The following PITPNC1 variants were observed in gnomAD, a reference collection of about 807,000 sequenced individuals.
The protein encoded by PITPNC1 is phosphatidylinositol transfer protein cytoplasmic 1.
Under a neutral mutation model 44.7 loss-of-function variants are expected in PITPNC1, and 18 were observed. The observed-to-expected ratio is 0.40, with a 90% CI of 0.28 to 0.60. The LOEUF (loss-of-function observed/expected upper bound fraction) is 0.60, where lower values mean the gene tolerates loss of function less well. Among genes scored for constraint, PITPNC1 ranks in the 20% least tolerant of loss-of-function variants. The pLI, the probability that PITPNC1 is intolerant of heterozygous loss-of-function variation, is 0.39. For missense variants in PITPNC1, 290 were observed against 418.4 expected (o/e 0.69, Z 2.68); for synonymous variants, 141 against 149.6 (o/e 0.94, Z 0.42).
chr17:67,626,351 G>T (rs968713024), intron 5 of PITPNC1, among the ~76,000 whole-genome samples: 1 of 152,010 alleles, frequency 6.6e-6, no homozygotes, highest in Admixed American at 6.6e-5. Flanking sequence ...ATTAGCCCAA[G>T]GTTACACAGA....
intron 1 of PITPNC1, among the ~76,000 whole-genome samples, chr17:67,489,136 G>A (rs1297586379): frequency 6.6e-6 from 1 of 152,128 alleles, no homozygotes; most frequent in Non-Finnish European, 1.5e-5. Context: ...TGGGTCATAC[G>A]GTAACAGACT....
intron 4 of PITPNC1, among the ~76,000 whole-genome samples, chr17:67,556,760 C>A (rs926543770): frequency 6.6e-6 from 1 of 151,754 alleles, no homozygotes; most frequent in African/African-American, 2.4e-5. Flanking sequence ...ACTCCAAGAG[C>A]CTTCCTGCCT....
chr17:67,661,900 C>T (rs745319306), intron 6 of PITPNC1, among the ~76,000 whole-genome samples: 59 of 151,940 alleles, frequency 3.9e-4, no homozygotes, highest in African/African-American at 1.3e-3. Flanking sequence ...GAGGCTGAGG[C>T]GGAAGAATCG....
At chr17:67,655,582 A>AG (rs2042256307) in intron 6 of PITPNC1, among the ~76,000 whole-genome samples, 1 of 147,348 alleles carries the variant, frequency 6.8e-6, no homozygotes, top group African/African-American at 2.5e-5. Flanking sequence ...AAAAAAAAAA[A>AG]GCACTAATTG....
At chr17:67,529,176 GGCTGTTGGTGAATCA>G (rs2040429202) in intron 1 of PITPNC1, among the ~76,000 whole-genome samples, 1 of 152,162 alleles carries the variant, frequency 6.6e-6, no homozygotes, top group African/African-American at 2.4e-5. Flanking sequence ...GCCCTCCACC[GGCTGTTGGTGAATCA>G]GCTGCCTCGG....
Position 67,508,431 on chromosome 17 carries a change from C to T in PITPNC1, c.49-24371C>T, listed in dbSNP as rs181501312. On this transcript the variant is annotated intron_variant, in intron 1 of 8. Transcript: ENST00000581322. This position sits in a 1 kb window ranked among gnomAD's most constrained non-coding sequence, Gnocchi z 4.2. ...TGTTGCCATGGCATTTGTAAACTGT[C>T]GTGGCTCTGGTGGGAGTGTAGCAGT... 7.2e-5 allele frequency among the ~76,000 whole-genome samples: 11 copies of T among 152,296 alleles called. No individual in the cohort carries two copies. The highest frequency in any genetic ancestry group is 3.3e-4 in the Admixed American group (5 of 15,296).
chr17:67,498,448 A>G (rs1303471753), intron 1 of PITPNC1, among the ~76,000 whole-genome samples: 2 of 152,186 alleles, frequency 1.3e-5, no homozygotes, highest in African/African-American at 4.8e-5. Context: ...TCACCTATTC[A>G]TGAACATTTA....
At chr17:67,527,838 T>TA (rs1232547652) in intron 1 of PITPNC1, among the ~76,000 whole-genome samples, 1 of 151,856 alleles carries the variant, frequency 6.6e-6, no homozygotes, top group Non-Finnish European at 1.5e-5. Flanking sequence ...TGTACAAAAG[T>TA]AAAAAAATAA....
At chr17:67,434,809 A>T (rs201481830) in intron 1 of PITPNC1, among the ~76,000 whole-genome samples, 4 of 98,422 alleles carry the variant, frequency 4.1e-5, no homozygotes, top group South Asian at 3.3e-4. Flanking sequence ...AAAAAAAAAA[A>T]AAAATAAAAA....
At chr17:67,473,536 C>T (rs1291729413) in intron 1 of PITPNC1, among the ~76,000 whole-genome samples, 5 of 151,744 alleles carry the variant, frequency 3.3e-5, no homozygotes, top group Non-Finnish European at 2.9e-5. Flanking sequence ...TTTCACCGAC[C>T]TCGTGATCTG....
At chr17:67,689,548 T>C (rs949776163) in intron 8 of PITPNC1, among the ~76,000 whole-genome samples, 2 of 152,204 alleles carry the variant, frequency 1.3e-5, no homozygotes, top group Admixed American at 1.3e-4. Flanking sequence ...AAAAACTGCA[T>C]GGGTGCTAAA....
At chr17:67,407,129 A>G (rs1433886209) in intron 1 of PITPNC1, among the ~76,000 whole-genome samples, 1 of 152,130 alleles carries the variant, frequency 6.6e-6, no homozygotes, top group East Asian at 1.9e-4. Flanking sequence ...ATTCCCACCT[A>G]CAGTGTACGA....
intron 4 of PITPNC1, among the ~76,000 whole-genome samples, chr17:67,572,687 G>C (rs924646629): frequency 8.6e-5 from 13 of 151,722 alleles, no homozygotes; most frequent in African/African-American, 3.1e-4. Flanking sequence ...TCATTCCGAA[G>C]TGGTACTTGA....
chr17:67,559,467 A>C (rs2040879438), intron 4 of PITPNC1, among the ~76,000 whole-genome samples: 1 of 152,048 alleles, frequency 6.6e-6, no homozygotes, highest in African/African-American at 2.4e-5. Context: ...GCAGTACATA[A>C]TTTTTTTTAG....
rs1024223704 is a variant in PITPNC1, at chr17:67,508,917, T to C, written c.49-23885T>C. On this transcript the variant is annotated intron_variant, in intron 1 of 8. Transcript: ENST00000581322. This position sits in a 1 kb window ranked among gnomAD's most constrained non-coding sequence, Gnocchi z 4.2. The stretch of plus-strand genomic sequence containing the variant: ...ATGGTTAAAATGGTAAATTTCATGT[T>C]ATGTATGTTTTACCATAATTTAAAA... Among the ~76,000 whole-genome samples the C allele has an allele frequency of 6.6e-6, 1 of 152,196 alleles. No homozygotes were observed. Among genetic ancestry groups the C allele is most frequent in the South Asian group, 2.1e-4 (1 of 4,834 alleles).
At chr17:67,458,432 C>G (rs1042702039) in intron 1 of PITPNC1, among the ~76,000 whole-genome samples, 4 of 152,200 alleles carry the variant, frequency 2.6e-5, no homozygotes, top group Admixed American at 1.3e-4. Flanking sequence ...TTACTGAATT[C>G]TCTCTTCATT....
intron 1 of PITPNC1, among the ~76,000 whole-genome samples, chr17:67,402,639 T>G (rs906431203): frequency 9.2e-5 from 14 of 152,220 alleles, no homozygotes; most frequent in African/African-American, 3.1e-4. Context: ...CATCCACTAG[T>G]TTCAAGTTTG....
At chr17:67,418,122 CAG>C (rs965141070) in intron 1 of PITPNC1, among the ~76,000 whole-genome samples, 1 of 152,190 alleles carries the variant, frequency 6.6e-6, no homozygotes, top group Non-Finnish European at 1.5e-5. Flanking sequence ...CTTTTACCAA[CAG>C]ATGATTTGGA....
intron 1 of PITPNC1, among the ~76,000 whole-genome samples, chr17:67,468,693 G>A (rs1280828832): frequency 1.4e-5 from 2 of 147,988 alleles, no homozygotes; most frequent in South Asian, 2.1e-4. Context: ...GTGAACCACC[G>A]TGCCTGGCCG....
Sources: gnomAD v4.1 joint callset for allele counts (sites outside exome capture counted in the v4.1 genomes callset) on GRCh38, gnomAD v4.1.1 for gene constraint, Gnocchi (gnomAD v3.1) non-coding constraint, MANE v1.5 for transcripts, NCBI Gene and HGNC (gene_info 2026-07-23, HGNC 2026-07-21) for gene names.